PDE4D: variants seen among roughly 807,000 people sequenced by gnomAD.
PDE4D encodes the protein 3',5'-cyclic-AMP phosphodiesterase 4D.
In PDE4D, 24 loss-of-function variants were observed where a neutral mutation model predicts 87.4. That is an observed-to-expected ratio of 0.27 (90% CI 0.20 to 0.39). The LOEUF is 0.39. Among genes scored for constraint, PDE4D ranks in the 10% least tolerant of loss-of-function variants. The pLI is 1.00. For synonymous variants in PDE4D, 384 were observed against 383.2 expected, an observed-to-expected ratio of 1.00 and a Z score of -0.02; for missense variants, 714 against 1,041.0, an observed-to-expected ratio of 0.69 and a Z score of 4.32.
intron 1 of PDE4D, among the ~76,000 whole-genome samples, chr5:59,423,674 G>C (rs570540362): frequency 2.6e-5 from 4 of 152,152 alleles, no homozygotes; most frequent in Non-Finnish European, 5.9e-5. Context: ...AAAATGAGGA[G>C]AGAATGGAAC....
At position 60,012,660 on chromosome 5, in the gene PDE4D, T is replaced by G. The variant is rs1765126367; in HGVS notation, c.43-23943A>C. On this transcript the variant is annotated intron_variant, in intron 2 of 16. Coordinates refer to the PDE4D transcript ENST00000502484. ...CAGAGATAGCATCATTTTTTTGAAC[T>G]GTGTGAGTACTACAAATGCCATCGA... Among the ~76,000 whole-genome samples the G allele has an allele frequency of 4.6e-5, 7 of 152,214 alleles. No individual in the cohort carries two copies. The South Asian group carries it at 1.4e-3, about 31-fold the overall frequency.
chr5:59,489,179 C>A (rs1472861950), intron 1 of PDE4D, among the ~76,000 whole-genome samples: 1 of 151,220 alleles, frequency 6.6e-6, no homozygotes, highest in East Asian at 1.9e-4. Context: ...GCAGGAGAAT[C>A]GCTTGAACCC....
At chr5:59,714,079 G>A (rs1477731863) in intron 1 of PDE4D, among the ~76,000 whole-genome samples, 3 of 152,120 alleles carry the variant, frequency 2.0e-5, no homozygotes, top group African/African-American at 7.2e-5. Flanking sequence ...GCTTGGTCTG[G>A]GTCTGCACTG....
intron 5 of PDE4D, among the ~76,000 whole-genome samples, chr5:59,102,362 A>T (rs1172931337): frequency 1.3e-5 from 2 of 152,150 alleles, no homozygotes; most frequent in Non-Finnish European, 1.5e-5. Flanking sequence ...CTGGGGTTAC[A>T]GGCATGAGCC....
intron 1 of PDE4D, among the ~76,000 whole-genome samples, chr5:59,686,898 C>T (rs899182262): frequency 2.0e-5 from 3 of 152,132 alleles, no homozygotes; most frequent in African/African-American, 7.2e-5. Context: ...GCATGTTACT[C>T]AACATATAAA....
chr5:60,418,558 T>C (rs1382164530), intron 1 of PDE4D, among the ~76,000 whole-genome samples: 2 of 152,120 alleles, frequency 1.3e-5, no homozygotes, highest in Non-Finnish European at 2.9e-5. Flanking sequence ...TGTGACTCTT[T>C]TTGTCTTTTT....
intron 1 of PDE4D, among the ~76,000 whole-genome samples, chr5:59,795,344 T>C (rs1766340238): frequency 6.6e-6 from 1 of 152,064 alleles, no homozygotes. Context: ...AATAAAGAGA[T>C]CTCAGAAGGA....
At chr5:60,308,126 C>T (rs16877887) in intron 1 of PDE4D, among the ~76,000 whole-genome samples, 9,233 of 152,230 alleles carry the variant, frequency 0.061, 921 homozygotes, top group African/African-American at 0.21. Context: ...GGAGATGTTT[C>T]TATTCTATTT....
intron 1 of PDE4D, among the ~76,000 whole-genome samples, chr5:60,401,679 G>A (rs1741102495): frequency 6.6e-6 from 1 of 152,176 alleles, no homozygotes; most frequent in Non-Finnish European, 1.5e-5. Flanking sequence ...GTGAGCACTG[G>A]CTAATTCTTC....
chr5:59,976,636 C>T (rs577240261), intron 3 of PDE4D, among the ~76,000 whole-genome samples: 1 of 152,264 alleles, frequency 6.6e-6, no homozygotes, highest in African/African-American at 2.4e-5. Context: ...GCCAGTCACA[C>T]GTATTCCTTT....
At chr5:59,743,952 C>G (rs1759233533) in intron 1 of PDE4D, among the ~76,000 whole-genome samples, 1 of 152,076 alleles carries the variant, frequency 6.6e-6, no homozygotes, top group South Asian at 2.1e-4. Flanking sequence ...AGATGACAGA[C>G]AGATCGATAG....
chr5:59,235,069 C>G (rs1452537252), intron 1 of PDE4D, among the ~76,000 whole-genome samples: 4 of 152,126 alleles, frequency 2.6e-5, no homozygotes, highest in Non-Finnish European at 5.9e-5. Flanking sequence ...CACATCTATG[C>G]TTATTCTGCT....
chr5:60,072,467 T>C (rs1259623387), intron 2 of PDE4D, among the ~76,000 whole-genome samples: 4 of 152,342 alleles, frequency 2.6e-5, no homozygotes, highest in African/African-American at 9.6e-5. Flanking sequence ...GTCTATTTTC[T>C]CTGTTGGTAG....
chr5:60,389,111 T>A (rs758501997), intron 1 of PDE4D, among the ~76,000 whole-genome samples: 1 of 152,158 alleles, frequency 6.6e-6, no homozygotes, highest in Non-Finnish European at 1.5e-5. Flanking sequence ...TTATCTCCAA[T>A]CAAAGAGCAA....
intron 1 of PDE4D, among the ~76,000 whole-genome samples, chr5:60,484,241 C>G (rs182424426): frequency 6.6e-6 from 1 of 150,964 alleles, no homozygotes; most frequent in African/African-American, 2.4e-5. Flanking sequence ...TCCTAACCCA[C>G]TTTTTCCTGT....
At chr5:60,186,056 T>C (rs1654097207) in intron 1 of PDE4D, among the ~76,000 whole-genome samples, 1 of 152,132 alleles carries the variant, frequency 6.6e-6, no homozygotes, top group Non-Finnish European at 1.5e-5. Context: ...CGACAATTTT[T>C]CACTAAGGGA....
chr5:60,195,713 A>G (rs1245109271), intron 1 of PDE4D, among the ~76,000 whole-genome samples: 2 of 151,642 alleles, frequency 1.3e-5, no homozygotes, highest in Non-Finnish European at 3.0e-5. Context: ...CAAATAACAC[A>G]ATACACTAAG....
intron 1 of PDE4D, among the ~76,000 whole-genome samples, chr5:59,827,249 A>T (rs924638913): frequency 3.9e-5 from 6 of 151,986 alleles, no homozygotes; most frequent in Non-Finnish European, 8.8e-5. Context: ...TCCTGTGAAA[A>T]GGATAAGGCA....
In PDE4D at chr5:58,974,888, A is replaced by G. The variant is rs1409377328; in HGVS notation, c.2206T>C (p.Phe736Leu). Residue 736 changes from phenylalanine (F) to leucine (L), a missense_variant, in exon 15 of 15, where the codon TTT becomes CTT. Phe to Leu is a conservative substitution (Grantham distance 22). Transcript: ENST00000340635. The stretch of plus-strand genomic sequence containing the variant: ...CCATCTTCCTCTAAAGTTAGTTCAA[A>G]CTGGAATTTCTCAGTTTGACCCTGC... Reference protein sequence around the residue: ...GRQGQTEKFQFELTLEEDGES... With the variant: ...GRQGQTEKFQLELTLEEDGES... 2 of 1,612,078 alleles carry G rather than the reference A, an allele frequency of 1.2e-6. No individual in the cohort carries two copies. The highest frequency in any genetic ancestry group is 1.7e-6 in the Non-Finnish European group (2 of 1,178,706).
Sources: gnomAD v4.1 joint callset for allele counts (sites outside exome capture counted in the v4.1 genomes callset) on GRCh38, gnomAD v4.1.1 for gene constraint, MANE v1.5 for transcripts, NCBI Gene and HGNC (gene_info 2026-07-23, HGNC 2026-07-21) for gene names.